ZNF385D: variants seen among roughly 807,000 people sequenced by gnomAD.
ZNF385D encodes zinc finger protein 659.
A neutral mutation model predicts 35.8 loss-of-function variants in ZNF385D; 15 were observed. The observed-to-expected ratio is 0.42, with a 90% CI of 0.28 to 0.64. The LOEUF (loss-of-function observed/expected upper bound fraction) is 0.64. ZNF385D is among the 30% of genes least tolerant of loss of function. The probability of loss-of-function intolerance (pLI) is 0.23; values close to 1 mark genes in which losing one functional copy is unlikely to be tolerated. For missense variants in ZNF385D, 474 were observed against 494.6 expected, an observed-to-expected ratio of 0.96 and a Z score of 0.39; for synonymous variants, 212 against 186.8, an observed-to-expected ratio of 1.13 and a Z score of -1.10.
chr3:21,737,458 GAT>G (rs3073115), intron 1 of ZNF385D, among the ~76,000 whole-genome samples: 1 of 149,010 alleles, frequency 6.7e-6, no homozygotes, highest in Non-Finnish European at 1.5e-5. Context: ...ACAAGAGGGG[GAT>G]ATATATACAC....
intron 3 of ZNF385D, among the ~76,000 whole-genome samples, chr3:21,821,591 G>T (rs1410337260): frequency 6.6e-6 from 1 of 152,130 alleles, no homozygotes; most frequent in African/African-American, 2.4e-5. Flanking sequence ...AAAATTTATT[G>T]TACTTATGCA....
chr3:22,081,994 T>C (rs1700776066), intron 3 of ZNF385D, among the ~76,000 whole-genome samples: 1 of 7,778 alleles, frequency 1.3e-4, no homozygotes. Context: ...GTTTTCTATT[T>C]TTTTTTTTTT....
At chr3:21,458,312 A>C (rs893067221) in intron 4 of ZNF385D, among the ~76,000 whole-genome samples, 5 of 111,672 alleles carry the variant, frequency 4.5e-5, no homozygotes, top group African/African-American at 2.1e-4. Flanking sequence ...ATCACTCTTA[A>C]AGGAAAAAAA....
At chr3:21,698,631 C>T (rs183941533) in intron 1 of ZNF385D, among the ~76,000 whole-genome samples, 50 of 139,978 alleles carry the variant, frequency 3.6e-4, no homozygotes, top group Admixed American at 8.6e-4. Context: ...AGAACTTAAG[C>T]GAATTTCCAA....
chr3:22,145,609 T>TAAC (rs1460331591), intron 3 of ZNF385D, among the ~76,000 whole-genome samples: 1 of 152,154 alleles, frequency 6.6e-6, no homozygotes, highest in Non-Finnish European at 1.5e-5. Context: ...AGGACAGAAA[T>TAAC]AACAAATATA....
chr3:21,627,104 C>T, intron 2 of ZNF385D, among the ~76,000 whole-genome samples: 1 of 150,104 alleles, frequency 6.7e-6, no homozygotes, highest in Non-Finnish European at 1.5e-5. Context: ...AGATTGTTTT[C>T]CCCACTAAGA....
chr3:21,518,208 T>TA (rs1707697340), intron 3 of ZNF385D, among the ~76,000 whole-genome samples: 2 of 152,162 alleles, frequency 1.3e-5, no homozygotes, highest in Admixed American at 6.5e-5. Context: ...TTACTCACCC[T>TA]AAAAATTATC....
intron 3 of ZNF385D, among the ~76,000 whole-genome samples, chr3:22,131,427 A>G (rs1401502995): frequency 6.6e-5 from 10 of 152,184 alleles, no homozygotes; most frequent in Non-Finnish European, 1.3e-4. Context: ...CTATAAGGGG[A>G]AAAGGAATAG....
chr3:22,083,863 A>G (rs894713397), intron 3 of ZNF385D, among the ~76,000 whole-genome samples: 1 of 152,260 alleles, frequency 6.6e-6, no homozygotes, highest in African/African-American at 2.4e-5. Context: ...AGGGAAGCCC[A>G]TCAGACTAAC....
At chr3:21,619,486 A>G (rs889282845) in intron 2 of ZNF385D, among the ~76,000 whole-genome samples, 3 of 152,046 alleles carry the variant, frequency 2.0e-5, no homozygotes, top group Admixed American at 2.0e-4. Flanking sequence ...TCAACTAGGT[A>G]TGTCTGTAGT....
At chr3:22,000,625 A>G (rs528558010) in intron 3 of ZNF385D, among the ~76,000 whole-genome samples, 4 of 152,288 alleles carry the variant, frequency 2.6e-5, no homozygotes, top group Admixed American at 2.6e-4. Flanking sequence ...ATCAAAGACA[A>G]AGAGAGAATT....
intron 2 of ZNF385D, among the ~76,000 whole-genome samples, chr3:22,340,636 ACT>A (rs1487879170): frequency 1.3e-5 from 2 of 152,082 alleles, no homozygotes; most frequent in African/African-American, 2.4e-5. Context: ...ACAGAGTGAG[ACT>A]CTGTCTCCAA....
chr3:21,692,861 C>T (rs7644851), intron 1 of ZNF385D, among the ~76,000 whole-genome samples: 61,246 of 152,072 alleles, frequency 0.4, 13,936 homozygotes, highest in Non-Finnish European at 0.52. Context: ...TCTGAGCTAC[C>T]GATATGGATG....
chr3:21,924,065 G>C (rs969012517), intron 3 of ZNF385D, among the ~76,000 whole-genome samples: 1 of 152,082 alleles, frequency 6.6e-6, no homozygotes, highest in African/African-American at 2.4e-5. Context: ...GTAAAAGCCA[G>C]AGCACATAAT....
intron 3 of ZNF385D, among the ~76,000 whole-genome samples, chr3:21,984,279 T>C (rs1331841582): frequency 6.8e-6 from 1 of 146,662 alleles, no homozygotes; most frequent in Non-Finnish European, 1.5e-5. Context: ...GGGTTTCTTC[T>C]AGGGTTTTTA....
At chr3:22,111,510 A>G (rs1702535391) in intron 3 of ZNF385D, among the ~76,000 whole-genome samples, 1 of 152,062 alleles carries the variant, frequency 6.6e-6, no homozygotes, top group African/African-American at 2.4e-5. Context: ...CACTCAGAAA[A>G]AGCCACATGG....
At chr3:22,067,958 A>T (rs967506723) in intron 3 of ZNF385D, among the ~76,000 whole-genome samples, 1 of 152,020 alleles carries the variant, frequency 6.6e-6, no homozygotes, top group African/African-American at 2.4e-5. Flanking sequence ...GGTTGCAGTG[A>T]GCCGAGATCA....
intron 3 of ZNF385D, among the ~76,000 whole-genome samples, chr3:21,993,756 G>C (rs955136002): frequency 1.3e-5 from 2 of 152,084 alleles, no homozygotes; most frequent in African/African-American, 4.8e-5. Flanking sequence ...ATTTGAAGCA[G>C]AGAAAAAAAA....
chr3:22,022,640 G>A (rs945462176), intron 3 of ZNF385D, among the ~76,000 whole-genome samples: 5 of 152,142 alleles, frequency 3.3e-5, no homozygotes, highest in Admixed American at 6.6e-5. Context: ...GAAATCTATC[G>A]TCCCAGAAAA....
Sources: gnomAD v4.1 joint callset for allele counts (sites outside exome capture counted in the v4.1 genomes callset) on GRCh38, gnomAD v4.1.1 for gene constraint, MANE v1.5 for transcripts, NCBI Gene and HGNC (gene_info 2026-07-23, HGNC 2026-07-21) for gene names.